The following SEMA3D variants were observed in gnomAD, a reference collection of about 807,000 sequenced individuals.
SEMA3D encodes the protein semaphorin 3D.
A neutral mutation model predicts 100.1 loss-of-function variants in SEMA3D; 84 were observed. That is an observed-to-expected ratio of 0.84 (90% CI 0.70 to 1.01). The LOEUF is 1.01. SEMA3D is among the 50% of genes least tolerant of loss of function. The probability of loss-of-function intolerance (pLI) is 0.00; values close to 1 mark genes in which losing one functional copy is unlikely to be tolerated. For synonymous variants in SEMA3D, 312 were observed against 320.7 expected (o/e 0.97, Z 0.29); for missense variants, 875 against 934.1 (o/e 0.94, Z 0.82).
At chr7:85,114,013 A>G (rs1251727392) in intron 3 of SEMA3D, among the ~76,000 whole-genome samples, 1 of 152,146 alleles carries the variant, frequency 6.6e-6, no homozygotes, top group African/African-American at 2.4e-5. Flanking sequence ...ACATTCTACC[A>G]GTGTGTTAGT....
At chr7:85,156,777 G>T (rs976481629) in intron 1 of SEMA3D, among the ~76,000 whole-genome samples, 1 of 152,088 alleles carries the variant, frequency 6.6e-6, no homozygotes, top group Admixed American at 6.6e-5. Flanking sequence ...AAATCAACCT[G>T]TTTACCAAAA....
At chr7:85,242,754 C>A in the SEMA3D span, among the ~76,000 whole-genome samples, 1 of 152,080 alleles carries the variant, frequency 6.6e-6, no homozygotes, top group Admixed American at 6.6e-5. Context: ...ATTAACTCTT[C>A]TTTGATTATT....
At chr7:85,050,151 T>G (rs1201069109) in intron 9 of SEMA3D, among the ~76,000 whole-genome samples, 1 of 147,612 alleles carries the variant, frequency 6.8e-6, no homozygotes, top group African/African-American at 2.5e-5. Flanking sequence ...CAGACAGACA[T>G]AAATAATGTA....
At chr7:85,027,706 C>T (rs1034251263) in intron 12 of SEMA3D, 2 of 305,992 alleles carry the variant, frequency 6.5e-6, no homozygotes. Context: ...TTTTATGCGG[C>T]TTAATGTTTG....
chr7:85,081,820 C>T (rs1788074019), intron 4 of SEMA3D, among the ~76,000 whole-genome samples: 1 of 152,138 alleles, frequency 6.6e-6, no homozygotes, highest in South Asian at 2.1e-4. Flanking sequence ...ATGTCTGTAA[C>T]AGTAGATACA....
chr7:85,024,611 A>T (rs1041159154), intron 12 of SEMA3D, among the ~76,000 whole-genome samples: 1 of 152,024 alleles, frequency 6.6e-6, no homozygotes, highest in Non-Finnish European at 1.5e-5. Flanking sequence ...TCTATTGACT[A>T]TAAAATGATC....
In SEMA3D at chr7:85,121,931, T is replaced by C; in HGVS notation, c.-40A>G. ...TCTCTTTCAAATGGTGTTAATTTAA[T>C]CTAAAAAAGAGTAAAAAAAAAAAAA... is the stretch of plus-strand genomic sequence containing the variant. On this transcript the variant is annotated splice_region_variant and 5_prime_UTR_variant, in exon 3 of 19. It adds an upstream start codon to the 5' untranslated region. Transcript: ENST00000284136. 1 of 1,411,352 alleles carries C rather than the reference T, an allele frequency of 7.1e-7. No homozygotes were observed. Among genetic ancestry groups the C allele is most frequent in the Non-Finnish European group, 9.6e-7 (1 of 1,043,286 alleles). 87.4% of individuals were successfully genotyped at this position (1,411,352 alleles called of 1,614,324 possible).
chr7:85,101,460 C>T (rs1048110160), intron 3 of SEMA3D, among the ~76,000 whole-genome samples: 1 of 151,976 alleles, frequency 6.6e-6, no homozygotes, highest in East Asian at 1.9e-4. Context: ...CATTATCCTG[C>T]CTCCCAACTC....
intron 9 of SEMA3D, among the ~76,000 whole-genome samples, chr7:85,043,409 A>G (rs985378980): frequency 6.6e-6 from 1 of 152,120 alleles, no homozygotes; most frequent in Admixed American, 6.6e-5. Context: ...ATATTTATCT[A>G]TATTTTCCAT....
rs186845681 is a variant in SEMA3D at position 85,018,820 on chromosome 7, T to C, written c.1504-527A>G. 2.6e-5 allele frequency among the ~76,000 whole-genome samples: 4 copies of C among 151,802 alleles called. No homozygotes were observed. In the East Asian group the frequency reaches 7.8e-4, roughly 30 times the overall value. ...CAATATGAACTAAGGCTAGTTTTGT[T>C]TGTAAAAAAATATGGCTCAATGCAT... is the stretch of plus-strand genomic sequence containing the variant. On this transcript the variant is annotated intron_variant, in intron 14 of 18. Coordinates refer to ENST00000284136, the MANE Select transcript of SEMA3D (RefSeq NM_001384900.1).
chr7:85,185,955 C>T (rs963958823), intron 1 of SEMA3D, among the ~76,000 whole-genome samples: 2 of 152,142 alleles, frequency 1.3e-5, no homozygotes, highest in Non-Finnish European at 2.9e-5. Context: ...GAGTGTTTTG[C>T]CTTAACCACA....
At chr7:85,234,516 A>G in the SEMA3D span, among the ~76,000 whole-genome samples, 1 of 152,202 alleles carries the variant, frequency 6.6e-6, no homozygotes, top group African/African-American at 2.4e-5. Flanking sequence ...GGAGTTGCTC[A>G]CCAGCAAACA....
At chr7:85,185,132 T>C (rs1372674650) in intron 1 of SEMA3D, among the ~76,000 whole-genome samples, 1 of 151,770 alleles carries the variant, frequency 6.6e-6, no homozygotes, top group African/African-American at 2.4e-5. Context: ...ATCACTGGAG[T>C]GATGACATGT....
the SEMA3D span, among the ~76,000 whole-genome samples, chr7:85,223,120 T>C: frequency 6.6e-6 from 1 of 151,970 alleles, no homozygotes; most frequent in Non-Finnish European, 1.5e-5. Context: ...TACCATCTTA[T>C]TCCTGCAAGA....
intron 1 of SEMA3D, among the ~76,000 whole-genome samples, chr7:85,179,554 C>G (rs918356523): frequency 1.3e-5 from 2 of 152,196 alleles, no homozygotes; most frequent in Non-Finnish European, 2.9e-5. Context: ...TGCATTTCCC[C>G]AATGCCTGTA....
chr7:85,154,475 C>T (rs747649784), intron 1 of SEMA3D, among the ~76,000 whole-genome samples: 11 of 151,768 alleles, frequency 7.2e-5, no homozygotes, highest in South Asian at 4.2e-4. Context: ...TGTTGTGGGG[C>T]GGGGGTTGGG....
At chr7:85,238,962 C>G in the SEMA3D span, among the ~76,000 whole-genome samples, 3 of 151,886 alleles carry the variant, frequency 2.0e-5, no homozygotes, top group Non-Finnish European at 1.5e-5. Context: ...GTAAATAGTA[C>G]TGCATTTTAA....
chr7:85,058,340 T>A (rs1791380347), intron 8 of SEMA3D, among the ~76,000 whole-genome samples: 1 of 152,154 alleles, frequency 6.6e-6, no homozygotes, highest in African/African-American at 2.4e-5. Flanking sequence ...GCCCCGGCCC[T>A]CTTTCAAATT....
intron 1 of SEMA3D, among the ~76,000 whole-genome samples, chr7:85,172,678 C>T (rs1239016597): frequency 2.0e-5 from 3 of 152,014 alleles, no homozygotes; most frequent in East Asian, 1.9e-4. Context: ...ACTGCAGGTT[C>T]CTACACGGTC....
Sources: gnomAD v4.1 joint callset for allele counts (sites outside exome capture counted in the v4.1 genomes callset) on GRCh38, gnomAD v4.1.1 for gene constraint, MANE v1.5 for transcripts, NCBI Gene and HGNC (gene_info 2026-07-23, HGNC 2026-07-21) for gene names.